PARVA: variants seen among roughly 807,000 people sequenced by gnomAD.
PARVA encodes parvin alpha.
PARVA carries 25 observed loss-of-function variants against 52.6 expected under a neutral mutation model. The observed-to-expected ratio is 0.48, with a 90% CI of 0.35 to 0.66. The LOEUF is 0.66. Among genes scored for constraint, PARVA ranks in the 30% least tolerant of loss-of-function variants. The pLI is 0.01. For missense variants in PARVA, 373 were observed against 450.9 expected (o/e 0.83, Z 1.56); for synonymous variants, 185 against 179.1 (o/e 1.03, Z -0.26).
intron 4 of PARVA, among the ~76,000 whole-genome samples, chr11:12,486,499 C>T (rs1296131692): frequency 1.3e-5 from 2 of 151,916 alleles, no homozygotes; most frequent in Non-Finnish European, 1.5e-5. Context: ...CATCACTGTA[C>T]TCCAGCGTGC....
At chr11:12,515,793 G>A (rs922774528) in intron 10 of PARVA, among the ~76,000 whole-genome samples, 6 of 152,164 alleles carry the variant, frequency 3.9e-5, no homozygotes, top group Admixed American at 6.5e-5. Flanking sequence ...TGCTCAGGCC[G>A]TTCCCACCTG....
At chr11:12,440,464 T>C (rs546346464) in intron 1 of PARVA, among the ~76,000 whole-genome samples, 1 of 152,348 alleles carries the variant, frequency 6.6e-6, no homozygotes, top group Admixed American at 6.5e-5. Flanking sequence ...ATTAGTTTTC[T>C]AATGCTGCGT....
At chr11:12,468,646 C>T in intron 1 of PARVA, among the ~76,000 whole-genome samples, 1 of 152,140 alleles carries the variant, frequency 6.6e-6, no homozygotes, top group Non-Finnish European at 1.5e-5. Context: ...TATAACAAGA[C>T]ATATGAGCTT....
intron 4 of PARVA, among the ~76,000 whole-genome samples, chr11:12,491,865 A>G (rs1363891961): frequency 6.6e-6 from 1 of 152,180 alleles, no homozygotes; most frequent in Admixed American, 6.5e-5. Flanking sequence ...AGCATATGAT[A>G]CCCTGCAAAC....
intron 7 of PARVA, among the ~76,000 whole-genome samples, chr11:12,509,485 G>A (rs1464920464): frequency 6.6e-6 from 1 of 152,140 alleles, no homozygotes; most frequent in East Asian, 1.9e-4. Flanking sequence ...TGTAGCTGCT[G>A]TTCCATCTTT....
chr11:12,398,278 T>C (rs1939779286), intron 1 of PARVA: 1 of 151,882 alleles, frequency 6.6e-6, no homozygotes, highest in Admixed American at 6.6e-5. Flanking sequence ...CTTAGATCAC[T>C]CCCTGAGAAC....
chr11:12,512,452 C>T (rs548164193), intron 8 of PARVA, among the ~76,000 whole-genome samples: 1 of 152,182 alleles, frequency 6.6e-6, no homozygotes. Context: ...GGGCCTCGCA[C>T]CCTCCCAGCC....
At chr11:12,408,510 C>A (rs1309019611) in intron 1 of PARVA, among the ~76,000 whole-genome samples, 1 of 152,160 alleles carries the variant, frequency 6.6e-6, no homozygotes, top group Non-Finnish European at 1.5e-5. Context: ...TGCCTCTCAG[C>A]CAGACCCTGT....
At chr11:12,518,104 A>T (rs1445262133) in intron 11 of PARVA, among the ~76,000 whole-genome samples, 1 of 135,274 alleles carries the variant, frequency 7.4e-6, no homozygotes, top group East Asian at 2.9e-4. Flanking sequence ...AAGGCATTTG[A>T]CCAGAAAGCC....
At position 12,524,051 on chromosome 11, in the gene PARVA, G is replaced by A. The variant is rs775822110; in HGVS notation, c.1043-3798G>A. On this transcript the variant is annotated intron_variant, in intron 12 of 12. Transcript: ENST00000334956. ...TGACTGCTGTCTCCCCTATTCACCC[G>A]GCCCATCTGTTGGCGTTAGTGGTGA... 3.7e-4 allele frequency among the ~76,000 whole-genome samples: 57 copies of A among 152,132 alleles called. 1 individual carries two copies. Among genetic ancestry groups the A allele is most frequent in the Non-Finnish European group, 5.4e-4 (37 of 68,036 alleles).
chr11:12,408,588 G>A (rs187029221), intron 1 of PARVA, among the ~76,000 whole-genome samples: 6 of 152,256 alleles, frequency 3.9e-5, no homozygotes, highest in Admixed American at 2.6e-4. Context: ...TGGAATCCCA[G>A]CTAACTAGTT....
intron 1 of PARVA, among the ~76,000 whole-genome samples, chr11:12,391,072 T>C (rs984990213): frequency 6.6e-6 from 1 of 152,122 alleles, no homozygotes; most frequent in African/African-American, 2.4e-5. Context: ...TCCATGGCCA[T>C]CATTACAGTA....
At chr11:12,430,331 A>G (rs922615577) in intron 1 of PARVA, among the ~76,000 whole-genome samples, 3 of 152,208 alleles carry the variant, frequency 2.0e-5, no homozygotes, top group Non-Finnish European at 4.4e-5. Context: ...TTTAAATTTT[A>G]ATAATAACTG....
chr11:12,472,237 C>T (rs1022583833), intron 1 of PARVA, among the ~76,000 whole-genome samples: 1 of 152,172 alleles, frequency 6.6e-6, no homozygotes, highest in Admixed American at 6.5e-5. Flanking sequence ...TAAAAATCTC[C>T]AGATAATGTC....
intron 1 of PARVA, among the ~76,000 whole-genome samples, chr11:12,449,625 G>T (rs1940597484): frequency 6.6e-6 from 1 of 152,150 alleles, no homozygotes; most frequent in Non-Finnish European, 1.5e-5. Flanking sequence ...GTACTTCCCA[G>T]CTAGATCAGT....
chr11:12,497,602 A>G (rs1440107428), intron 5 of PARVA, among the ~76,000 whole-genome samples: 2 of 152,184 alleles, frequency 1.3e-5, no homozygotes, highest in Non-Finnish European at 2.9e-5. Flanking sequence ...TGTGCACAGC[A>G]TGATCAGCTG....
At chr11:12,377,427 G>A (rs534958611), upstream of PARVA, 29 of 1,373,638 alleles carry the variant, frequency 2.1e-5, no homozygotes, top group South Asian at 4.2e-4. Context: ...GGCGCAAGGC[G>A]CGGCCCCGGG....
intron 9 of PARVA, chr11:12,513,695 A>G (rs1941531860): frequency 3.4e-6 from 2 of 581,342 alleles, no homozygotes; most frequent in African/African-American, 3.7e-5. Context: ...ATCCAGTGGA[A>G]TCATTTTATT....
chr11:12,387,347 G>A (rs1360854160), intron 1 of PARVA, among the ~76,000 whole-genome samples: 3 of 152,146 alleles, frequency 2.0e-5, no homozygotes, highest in Non-Finnish European at 4.4e-5. Context: ...CAGATGCCAT[G>A]AGGGTAGCCG....
Sources: gnomAD v4.1 joint callset for allele counts (sites outside exome capture counted in the v4.1 genomes callset) on GRCh38, gnomAD v4.1.1 for gene constraint, MANE v1.5 for transcripts, NCBI Gene and HGNC (gene_info 2026-07-23, HGNC 2026-07-21) for gene names.